LDHAL6A: variants seen among roughly 807,000 people sequenced by gnomAD.
LDHAL6A encodes L-lactate dehydrogenase A-like 6A.
LDHAL6A carries 19 observed loss-of-function variants against 28.2 expected under a neutral mutation model. The ratio of observed to expected loss-of-function variants is 0.67; its 90% CI spans 0.47 to 0.99. LDHAL6A has a LOEUF of 0.99. Among genes scored for constraint, LDHAL6A ranks in the 50% least tolerant of loss-of-function variants. LDHAL6A has a pLI of 0.00. For synonymous variants in LDHAL6A, 144 were observed against 134.4 expected (o/e 1.07, Z -0.49); for missense variants, 372 against 398.6 (o/e 0.93, Z 0.57).
intron 3 of LDHAL6A, among the ~76,000 whole-genome samples, chr11:18,467,880 C>CACACAT (rs1185900320): frequency 2.2e-3 from 97 of 44,400 alleles, no homozygotes; most frequent in Admixed American, 3.9e-3. Context: ...TATATACACA[C>CACACAT]ATATATATAT....
intron 1 of LDHAL6A, among the ~76,000 whole-genome samples, chr11:18,460,354 G>A (rs1462706321): frequency 2.6e-5 from 4 of 152,126 alleles, no homozygotes; most frequent in Non-Finnish European, 5.9e-5. Flanking sequence ...CACTTTGGGA[G>A]GCCAAGGCGG....
Position 18,477,664 on chromosome 11 carries a change from T to TA in LDHAL6A, c.755_756insA (p.Ser253Ter), listed in dbSNP as rs1849422476. On this transcript the variant is annotated frameshift_variant, in exon 6 of 7. Coordinates refer to ENST00000280706, the MANE Select transcript of LDHAL6A (RefSeq NM_144972.5). LOFTEE classifies it high-confidence loss of function. ...ATGAAAGGTTATACTTCTTGGGGCA[T>TA]TAGCCTATCTGTAGCTGATTTAACA... The TA allele has an allele frequency of 6.2e-7, 1 of 1,612,962 alleles. No homozygotes were observed. Among genetic ancestry groups the TA allele is most frequent in the Non-Finnish European group, 8.5e-7 (1 of 1,179,556 alleles).
rs371751789 is a variant in LDHAL6A at position 18,465,749 on chromosome 11, A to G, written c.357A>G (p.Leu119=). The part of the protein sequence containing the change: ...LVQRNVSIFK[L]MIPNITQYSP... ...AGCGAAATGTATCCATCTTTAAATTAATGATTCCCAATATTACCCAGTACA... is the reference window on the plus strand; with the variant it reads ...AGCGAAATGTATCCATCTTTAAATTGATGATTCCCAATATTACCCAGTACA... Residue 119 remains leucine (L), a synonymous_variant, in exon 3 of 7, where the codon TTA becomes TTG. Coordinates refer to ENST00000280706, the MANE Select transcript of LDHAL6A (RefSeq NM_144972.5). 3.1e-6 allele frequency: 5 copies of G among 1,613,702 alleles called. No individual in the cohort carries two copies. Among genetic ancestry groups the G allele is most frequent in the Non-Finnish European group, 4.2e-6 (5 of 1,179,606 alleles).
chr11:18,461,781 A>C (rs1322103486), intron 1 of LDHAL6A, among the ~76,000 whole-genome samples: 1 of 148,182 alleles, frequency 6.7e-6, no homozygotes, highest in East Asian at 2.1e-4. Context: ...GAACCCGGGA[A>C]GGTGTGGGTT....
Position 18,478,966 on chromosome 11 carries a change from G to A in LDHAL6A, c.*96G>A. On this transcript the variant is annotated 3_prime_UTR_variant, in exon 7 of 7. Transcript: ENST00000280706. ...GAATAAATTTGAATTTCTAAAAGTT[G>A]GAAAAATAGAGGAAAGAGTGACCTA... 1 of 1,119,740 alleles carries A rather than the reference G, an allele frequency of 8.9e-7. No individual in the cohort carries two copies. The highest frequency in any genetic ancestry group is 1.3e-6 in the Non-Finnish European group (1 of 788,630). 69.4% of individuals were successfully genotyped at this position (1,119,740 alleles called of 1,614,324 possible).
At chr11:18,462,665 A>C (rs1409206114) in intron 1 of LDHAL6A, among the ~76,000 whole-genome samples, 4 of 139,618 alleles carry the variant, frequency 2.9e-5, no homozygotes, top group African/African-American at 1.2e-4. Context: ...CAAAAAAAAA[A>C]ACAAAAAAAA....
chr11:18,462,044 C>T (rs1000080729), intron 1 of LDHAL6A, among the ~76,000 whole-genome samples: 7 of 151,442 alleles, frequency 4.6e-5, no homozygotes, highest in South Asian at 4.2e-4. Context: ...TGGTGGTAGG[C>T]GCCTGTTGTC....
chr11:18,468,911 G>C, intron 3 of LDHAL6A: 1 of 315,314 alleles, frequency 3.2e-6, no homozygotes, highest in Non-Finnish European at 5.7e-6. Context: ...ACAGGCTATT[G>C]GTATAAGCAT....
intron 1 of LDHAL6A, among the ~76,000 whole-genome samples, chr11:18,461,508 G>A (rs978578508): frequency 6.6e-6 from 1 of 151,880 alleles, no homozygotes; most frequent in Admixed American, 6.6e-5. Flanking sequence ...AATTTATTAT[G>A]TAATAAAGAT....
intron 3 of LDHAL6A, among the ~76,000 whole-genome samples, chr11:18,468,021 A>T (rs1590254628): frequency 1.6e-5 from 1 of 63,320 alleles, no homozygotes; most frequent in Admixed American, 2.1e-4. Context: ...ATACATATAT[A>T]TACGTATATA....
intron 3 of LDHAL6A, among the ~76,000 whole-genome samples, chr11:18,469,656 C>T (rs1046772418): frequency 2.0e-5 from 3 of 152,178 alleles, no homozygotes; most frequent in African/African-American, 7.2e-5. Context: ...ATAGTACACA[C>T]TATCAAATAT....
In LDHAL6A at chr11:18,479,168, C is replaced by T. The variant is rs1160915325; in HGVS notation, c.*298C>T. On this transcript the variant is annotated 3_prime_UTR_variant, in exon 7 of 7. Transcript: ENST00000280706. Reference sequence around the variant, plus strand: ...GGGACCACATGCGTGTGCCTCCATGCCTGCCTAATTTTTGTATCTTTTTGT... The same window carrying T: ...GGGACCACATGCGTGTGCCTCCATGTCTGCCTAATTTTTGTATCTTTTTGT... The T allele has an allele frequency of 5.0e-6, 1 of 198,988 alleles. No individual in the cohort carries two copies. 12.3% of individuals were successfully genotyped at this position (198,988 alleles called of 1,614,324 possible). A position where few individuals can be genotyped will look rare whatever the true frequency, so the allele number is the denominator to read the frequency against.
At chr11:18,461,592 T>C (rs183485512) in intron 1 of LDHAL6A, among the ~76,000 whole-genome samples, 2 of 152,250 alleles carry the variant, frequency 1.3e-5, no homozygotes, top group Admixed American at 1.3e-4. Context: ...GGCTCAAGCC[T>C]GTAATCCCAG....
chr11:18,472,834 ATTAC>A lies in LDHAL6A; in HGVS notation c.419-2628_419-2625del, dbSNP rs1486979276. On this transcript the variant is annotated intron_variant, in intron 3 of 6. Coordinates refer to ENST00000280706, the MANE Select transcript of LDHAL6A (RefSeq NM_144972.5). ...TCATTTACTTGAAAGCTGCTACTTT[ATTAC>A]TTAAAGACTGAGCCTGTAAGAAAAT... Among the ~76,000 whole-genome samples the A allele has an allele frequency of 5.3e-5, 8 of 152,310 alleles. No homozygotes were observed. The South Asian group carries it at 8.3e-4, about 16-fold the overall frequency.
chr11:18,475,735 CTT>C (rs1314122296), intron 4 of LDHAL6A, 96 bp downstream of exon 4: 7 of 1,004,482 alleles, frequency 7.0e-6, no homozygotes, highest in East Asian at 2.7e-5. Flanking sequence ...GGAGAAAAGA[CTT>C]TATTCCACTT....
Position 18,477,695 on chromosome 11 carries a change from T to C in LDHAL6A, c.786T>C (p.Ser262=). ...ISLSVADLTE[S]ILKNLRRVHP... is the part of the protein sequence containing the mutation. ...TATCTGTAGCTGATTTAACAGAAAG[T>C]ATTTTGAAGAATCTTAGGAGAGTGC... The change falls in exon 6 of 7, where the codon AGT becomes AGC. Residue 262 remains serine, a synonymous_variant. Coordinates refer to ENST00000280706, the MANE Select transcript of LDHAL6A (RefSeq NM_144972.5). The C allele has an allele frequency of 6.2e-7, 1 of 1,613,394 alleles. No homozygotes were observed. The highest frequency in any genetic ancestry group is 8.5e-7 in the Non-Finnish European group (1 of 1,179,696).
chr11:18,475,681 C>T, intron 4 of LDHAL6A, 42 bp downstream of exon 4: 1 of 1,538,948 alleles, frequency 6.5e-7, no homozygotes, highest in Non-Finnish European at 8.8e-7. Flanking sequence ...TATCTATTTC[C>T]TATCAATCAT....
chr11:18,463,105 T>C (rs1464247243), intron 1 of LDHAL6A, among the ~76,000 whole-genome samples: 3 of 152,184 alleles, frequency 2.0e-5, no homozygotes, highest in African/African-American at 7.2e-5. Context: ...GCCCTATATT[T>C]TAATCCATTT....
At position 18,475,452 on chromosome 11, in the gene LDHAL6A, C is replaced by G; in HGVS notation, c.419-14C>G. On this transcript the variant is annotated splice_polypyrimidine_tract_variant and intron_variant, in intron 3 of 6. Transcript: ENST00000280706. The stretch of plus-strand genomic sequence containing the variant: ...AGATGAGGACATTTCTTGATATGAA[C>G]TTTTTCTTCTTAGTGGATATCTTAA... The G allele has an allele frequency of 6.3e-7, 1 of 1,598,794 alleles. No homozygotes were observed. The highest frequency in any genetic ancestry group is 8.6e-7 in the Non-Finnish European group (1 of 1,169,588).
Sources: allele counts gnomAD v4.1 joint callset (sites outside exome capture counted in the v4.1 genomes callset), GRCh38; gene constraint gnomAD v4.1.1; transcripts MANE v1.5; gene names NCBI Gene and HGNC (gene_info 2026-07-23, HGNC 2026-07-21).